The following TBK1 variants were observed in gnomAD, a reference collection of about 807,000 sequenced individuals.
The protein encoded by TBK1 is serine/threonine-protein kinase TBK1.
Under a neutral mutation model 99.9 loss-of-function variants are expected in TBK1, and 37 were observed. The observed-to-expected ratio is 0.37, with a 90% CI of 0.28 to 0.49. TBK1 has a LOEUF of 0.49. Among genes scored for constraint, TBK1 ranks in the 20% least tolerant of loss-of-function variants. The probability of loss-of-function intolerance (pLI) is 0.98; values close to 1 mark genes in which losing one functional copy is unlikely to be tolerated. For missense variants in TBK1, 644 were observed against 872.5 expected (o/e 0.74, Z 3.30); for synonymous variants, 258 against 279.8 (o/e 0.92, Z 0.78).
At chr12:64,497,613 G>GTTGTT in intron 18 of TBK1, 35 bp from the exon 19 acceptor site, 1 of 1,216,872 alleles carries the variant, frequency 8.2e-7, no homozygotes, top group Middle Eastern at 2.1e-4. Context: ...TTAATGTGGG[G>GTTGTT]TTTTTTTCTT....
intron 13 of TBK1, among the ~76,000 whole-genome samples, chr12:64,493,521 G>A (rs1444022269): frequency 6.6e-6 from 1 of 152,050 alleles, no homozygotes; most frequent in Admixed American, 6.6e-5. Context: ...CAGCTACTGG[G>A]GAGGCTGAGG....
intron 20 of TBK1, among the ~76,000 whole-genome samples, chr12:64,499,303 C>T (rs2040962731): frequency 6.6e-6 from 1 of 151,880 alleles, no homozygotes; most frequent in African/African-American, 2.4e-5. Flanking sequence ...CCTCAGCCTC[C>T]CAAAGTGCTG....
Position 64,501,364 on chromosome 12 carries a change from A to G in TBK1, c.2173A>G (p.Asn725Asp), listed in dbSNP as rs1315324552. 2.5e-6 allele frequency: 4 copies of G among 1,613,920 alleles called. No homozygotes were observed. The highest frequency in any genetic ancestry group is 3.4e-6 in the Non-Finnish European group (4 of 1,180,016). The change falls in exon 21 of 21, where the codon AAC (asparagine) becomes GAC (aspartate). Residue 725 changes from asparagine to aspartate, a missense_variant. By Grantham distance (23) the Asn-to-Asp change is conservative (BLOSUM62 1). Around this residue, in one of 3 missense-constraint regions of TBK1, gnomAD observed 465 missense variants for 588.0 expected, o/e 0.79. Transcript: ENST00000331710. ...TTTAACCATGGATGGTGGCCTTCGC[A>G]ACGTTGACTGTCTTTAGCTTTCTAA... ...GSLTMDGGLR[N>D]VDCL
chr12:64,488,474 TTTC>T lies in TBK1; in HGVS notation c.1341-10_1341-8del. 1.3e-6 allele frequency: 2 copies of T among 1,491,490 alleles called. No homozygotes were observed. Among genetic ancestry groups the T allele is most frequent in the East Asian group, 2.4e-5 (1 of 41,000 alleles). 92.4% of individuals were successfully genotyped at this position (1,491,490 alleles called of 1,614,324 possible). Reference sequence around the variant, plus strand: ...CCTTAGATAAACTAATTAGAATAATTTTCTTTTTTTAGTGAATTAATTAAAGAT... The same window carrying T: ...CCTTAGATAAACTAATTAGAATAATTTTTTTTTAGTGAATTAATTAAAGAT... On this transcript the variant is annotated splice_polypyrimidine_tract_variant and intron_variant, in intron 11 of 20. Coordinates refer to ENST00000331710, the MANE Select transcript of TBK1 (RefSeq NM_013254.4).
rs769568684 is a variant in TBK1 at position 64,497,684 on chromosome 12, T to C, written c.1996T>C (p.Ser666Pro). Residue 666 changes from serine (S) to proline (P), a missense_variant, in exon 19 of 21, where the codon TCC becomes CCC. Transcript: ENST00000331710. ...TCTGCCTCAGAAAATGTTTACAGCT[T>C]CCAGTGGAATCAAACATACCATGAC... is the stretch of plus-strand genomic sequence containing the variant. ...ETLPQKMFTASSGIKHTMTPI... is the reference protein window; with the variant it reads ...ETLPQKMFTAPSGIKHTMTPI... 6.2e-7 allele frequency: 1 copy of C among 1,605,530 alleles called. No individual in the cohort carries two copies. Among genetic ancestry groups the C allele is most frequent in the South Asian group, 1.1e-5 (1 of 88,076 alleles).
intron 2 of TBK1, among the ~76,000 whole-genome samples, chr12:64,458,114 C>T (rs1401810013): frequency 6.6e-6 from 1 of 151,730 alleles, no homozygotes; most frequent in Non-Finnish European, 1.5e-5. Flanking sequence ...CACACACACA[C>T]ACACACATAC....
intron 12 of TBK1, among the ~76,000 whole-genome samples, chr12:64,489,333 T>G (rs976768879): frequency 3.3e-5 from 5 of 152,250 alleles, no homozygotes; most frequent in African/African-American, 1.2e-4. Context: ...AGAATGATAT[T>G]TTTAACTGCC....
Position 64,482,090 on chromosome 12 carries a change from G to A in TBK1, c.992+69G>A, listed in dbSNP as rs2136076280. 6 of 1,127,070 alleles carry A rather than the reference G, an allele frequency of 5.3e-6. No individual in the cohort carries two copies. In the South Asian group the frequency reaches 1.3e-4, roughly 25 times the overall value. The allele number at this position is 1,127,070 out of a possible 1,614,324, so 69.8% of individuals were successfully genotyped here. A position where few individuals can be genotyped will look rare whatever the true frequency, so the allele number is the denominator to read the frequency against. ...ATAATATTTTCCTAAGTTAGGAAAAGAAATAGAAAAGATGCCTCAGCTTCA... is the reference window on the plus strand; with the variant it reads ...ATAATATTTTCCTAAGTTAGGAAAAAAAATAGAAAAGATGCCTCAGCTTCA... On this transcript the variant is annotated intron_variant, in intron 8 of 20. Transcript: ENST00000331710.
At chr12:64,497,367 C>A (rs921486108) in intron 18 of TBK1, 108 bp downstream of exon 18, 68 of 803,672 alleles carry the variant, frequency 8.5e-5, no homozygotes, top group South Asian at 1.9e-4. Flanking sequence ...TTCCACCCAC[C>A]AATTTTTAAT....
chr12:64,485,327 T>C, intron 9 of TBK1, 128 bp from the exon 10 acceptor site: 1 of 470,296 alleles, frequency 2.1e-6, no homozygotes, highest in Non-Finnish European at 3.8e-6. Flanking sequence ...GGTGTTTTTT[T>C]AATCACGAAA....
At chr12:64,493,453 C>A (rs952741327) in intron 13 of TBK1, among the ~76,000 whole-genome samples, 1 of 151,638 alleles carries the variant, frequency 6.6e-6, no homozygotes, top group Non-Finnish European at 1.5e-5. Flanking sequence ...ATGGTGAAAC[C>A]GTGTCTCTAA....
At chr12:64,479,880 T>C (rs1446180234) in intron 6 of TBK1, 132 bp from the exon 7 acceptor site, 1 of 584,688 alleles carries the variant, frequency 1.7e-6, no homozygotes, top group Non-Finnish European at 3.0e-6. Context: ...TTATGGATCC[T>C]GTGAGCATCA....
chr12:64,468,963 G>A (rs1289137036), intron 5 of TBK1, among the ~76,000 whole-genome samples: 1 of 151,998 alleles, frequency 6.6e-6, no homozygotes, highest in African/African-American at 2.4e-5. Flanking sequence ...AGAACCTACT[G>A]CATCAGTCTA....
chr12:64,485,144 G>GA (rs1234043398), intron 9 of TBK1, among the ~76,000 whole-genome samples: 3 of 150,306 alleles, frequency 2.0e-5, no homozygotes, highest in African/African-American at 4.9e-5. Flanking sequence ...TCTACTGGTA[G>GA]AAAAAAAAAT....
At chr12:64,488,612 G>A (rs200532605) in intron 12 of TBK1, 24 bp downstream of exon 12, 18 of 1,425,690 alleles carry the variant, frequency 1.3e-5, no homozygotes, top group African/African-American at 2.9e-5. Flanking sequence ...TTCCTTACTA[G>A]TAGGGGTTAA....
intron 20 of TBK1, 45 bp from the exon 21 acceptor site, chr12:64,501,285 T>C (rs2040985560): frequency 1.9e-6 from 3 of 1,600,446 alleles, no homozygotes; most frequent in East Asian, 2.2e-5. Flanking sequence ...TATACATAAA[T>C]GCAACTTTTG....
chr12:64,493,084 C>T (rs571833580), intron 13 of TBK1, among the ~76,000 whole-genome samples: 5 of 151,710 alleles, frequency 3.3e-5, no homozygotes, highest in South Asian at 4.2e-4. Flanking sequence ...TTAGTAGAGA[C>T]GGGGTTTCAC....
chr12:64,463,377 C>G (rs993975895), intron 3 of TBK1, among the ~76,000 whole-genome samples: 10 of 140,028 alleles, frequency 7.1e-5, no homozygotes, highest in Admixed American at 1.5e-4. Flanking sequence ...GAGACTTTGT[C>G]TCAAAAAAAA....
At chr12:64,493,044 C>T (rs1036505269) in intron 13 of TBK1, among the ~76,000 whole-genome samples, 4 of 151,784 alleles carry the variant, frequency 2.6e-5, no homozygotes, top group African/African-American at 9.7e-5. Flanking sequence ...TACAGGCTTC[C>T]ACCACCAGGC....
Sources: gnomAD v4.1 joint callset for allele counts (sites outside exome capture counted in the v4.1 genomes callset) on GRCh38, gnomAD v4.1.1 for gene constraint, gnomAD v4.1.1 regional missense constraint, MANE v1.5 for transcripts, NCBI Gene and HGNC (gene_info 2026-07-23, HGNC 2026-07-21) for gene names.